TMEM232: variants seen among roughly 807,000 people sequenced by gnomAD.
TMEM232 encodes the protein transmembrane protein 232.
TMEM232 carries 80 observed loss-of-function variants against 78.8 expected under a neutral mutation model. The observed-to-expected ratio is 1.01, with a 90% confidence interval of 0.85 to 1.22. TMEM232 has a LOEUF of 1.22. Among genes scored for constraint, TMEM232 ranks in the 50% most tolerant of loss-of-function variants. The pLI, the probability that TMEM232 is intolerant of heterozygous loss-of-function variation, is 0.00. For missense variants in TMEM232, 881 were observed against 742.2 expected (o/e 1.19, Z -2.17); for synonymous variants, 297 against 254.3 (o/e 1.17, Z -1.60).
At chr5:110,533,260 G>A (rs941371886) in intron 11 of TMEM232, among the ~76,000 whole-genome samples, 3 of 152,106 alleles carry the variant, frequency 2.0e-5, no homozygotes, top group East Asian at 3.9e-4. Flanking sequence ...ATCCTCATCT[G>A]TTACCTATCT....
At chr5:110,451,911 CAATTT>C (rs1760337803) in intron 12 of TMEM232, among the ~76,000 whole-genome samples, 1 of 151,868 alleles carries the variant, frequency 6.6e-6, no homozygotes, top group South Asian at 2.1e-4. Context: ...TATAGTTCAC[CAATTT>C]ATTTAACAGA....
intron 12 of TMEM232, among the ~76,000 whole-genome samples, chr5:110,439,610 T>G (rs1758808607): frequency 6.6e-6 from 1 of 152,036 alleles, no homozygotes; most frequent in Non-Finnish European, 1.5e-5. Context: ...TGCCAGCCTG[T>G]CTTTTGATCT....
chr5:110,715,355 A>G (rs2150327507), intron 1 of TMEM232, among the ~76,000 whole-genome samples: 1 of 152,306 alleles, frequency 6.6e-6, no homozygotes, highest in Non-Finnish European at 1.5e-5. Flanking sequence ...GCAAAAGTAT[A>G]GAGACTAAAT....
At chr5:110,499,830 C>T (rs113108561) in intron 12 of TMEM232, among the ~76,000 whole-genome samples, 2,903 of 151,958 alleles carry the variant, frequency 0.019, 99 homozygotes, top group African/African-American at 0.066. Context: ...CCTCTTTAAT[C>T]GATAAAATTT....
At chr5:110,659,667 T>C (rs1316392357) in intron 2 of TMEM232, among the ~76,000 whole-genome samples, 3 of 152,090 alleles carry the variant, frequency 2.0e-5, no homozygotes. Context: ...TATTATAAAA[T>C]TATCATGCTC....
At chr5:110,508,128 G>A (rs1293382947) in intron 12 of TMEM232, among the ~76,000 whole-genome samples, 2 of 152,050 alleles carry the variant, frequency 1.3e-5, no homozygotes, top group Admixed American at 1.3e-4. Context: ...ACCCCAAGGG[G>A]ATCACTTGAC....
chr5:110,628,568 A>C (rs913338690), intron 5 of TMEM232, among the ~76,000 whole-genome samples: 2 of 152,064 alleles, frequency 1.3e-5, no homozygotes, highest in Non-Finnish European at 2.9e-5. Context: ...AACATTTTAC[A>C]GAAAATTATA....
chr5:110,500,991 G>C (rs1766207002), intron 12 of TMEM232, among the ~76,000 whole-genome samples: 1 of 152,062 alleles, frequency 6.6e-6, no homozygotes, highest in African/African-American at 2.4e-5. Context: ...AAAATGATGT[G>C]GTTTGTTTGC....
chr5:110,494,014 G>A (rs1006374228), intron 12 of TMEM232, among the ~76,000 whole-genome samples: 1 of 151,944 alleles, frequency 6.6e-6, no homozygotes, highest in Non-Finnish European at 1.5e-5. Context: ...CAGAACATGC[G>A]GTGTTGGTTT....
At chr5:110,474,016 T>G (rs1300557334) in intron 12 of TMEM232, among the ~76,000 whole-genome samples, 1 of 150,220 alleles carries the variant, frequency 6.7e-6, no homozygotes, top group Non-Finnish European at 1.5e-5. Flanking sequence ...GGGGAGAGGT[T>G]GATCAATAGG....
intron 4 of TMEM232, among the ~76,000 whole-genome samples, 182 bp downstream of exon 4, chr5:110,640,709 A>G (rs925311317): frequency 1.3e-5 from 2 of 152,170 alleles, no homozygotes; most frequent in Non-Finnish European, 1.5e-5. Flanking sequence ...ATCACTAAAA[A>G]GCTTAGTTAA....
intron 12 of TMEM232, among the ~76,000 whole-genome samples, chr5:110,479,832 A>G (rs151334871): frequency 7.4e-4 from 112 of 151,970 alleles, no homozygotes; most frequent in African/African-American, 2.7e-3. Context: ...GTATCCCCAA[A>G]TCCAGTACAT....
chr5:110,568,234 T>G (rs1776556063), intron 11 of TMEM232, among the ~76,000 whole-genome samples: 1 of 151,938 alleles, frequency 6.6e-6, no homozygotes, highest in Non-Finnish European at 1.5e-5. Context: ...CTGTTTCTAT[T>G]ACAGATTTTG....
rs114049973 is a variant in TMEM232, at chr5:110,630,356, C to A, written c.502-2476G>T. 2.4e-3 allele frequency among the ~76,000 whole-genome samples: 369 copies of A among 152,232 alleles called. 1 individual carries two copies. The highest frequency in any genetic ancestry group is 0.014 in the Middle Eastern group (4 of 294). ...AACAACTAGGAGAGAACACTGGAGT[C>A]CAACAGAGAAGTTATGGGAAATACC... On this transcript the variant is annotated intron_variant, in intron 5 of 13. Coordinates refer to ENST00000455884, the MANE Select transcript of TMEM232 (RefSeq NM_001039763.4).
intron 6 of TMEM232, among the ~76,000 whole-genome samples, chr5:110,626,811 T>C (rs947195981): frequency 1.4e-4 from 21 of 152,204 alleles, no homozygotes; most frequent in African/African-American, 4.1e-4. Flanking sequence ...TACTATTTAA[T>C]ACTTCTATGA....
intron 12 of TMEM232, among the ~76,000 whole-genome samples, chr5:110,512,113 C>T (rs548266814): frequency 9.2e-5 from 14 of 152,236 alleles, no homozygotes; most frequent in African/African-American, 3.4e-4. Flanking sequence ...AGATTTAATA[C>T]ATTTTTTGTG....
At chr5:110,490,121 AAAAGAAAG>A (rs201189138) in intron 12 of TMEM232, among the ~76,000 whole-genome samples, 9,581 of 110,412 alleles carry the variant, frequency 0.087, 523 homozygotes, top group African/African-American at 0.1. Flanking sequence ...CTCCGTTTCA[AAAAGAAAG>A]AAAGAAAGAA....
At chr5:110,566,733 G>A (rs2149678489) in intron 11 of TMEM232, among the ~76,000 whole-genome samples, 1 of 151,950 alleles carries the variant, frequency 6.6e-6, no homozygotes, top group Admixed American at 6.6e-5. Flanking sequence ...CTTCTTCAGA[G>A]CTCTTCTTAC....
intron 1 of TMEM232, among the ~76,000 whole-genome samples, chr5:110,711,702 TA>T (rs1796498223): frequency 6.6e-6 from 1 of 152,122 alleles, no homozygotes; most frequent in Non-Finnish European, 1.5e-5. Context: ...GTCTCTTCAA[TA>T]AGTAGTGCTG....
Sources: gnomAD v4.1 joint callset for allele counts (sites outside exome capture counted in the v4.1 genomes callset) on GRCh38, gnomAD v4.1.1 for gene constraint, MANE v1.5 for transcripts, NCBI Gene and HGNC (gene_info 2026-07-23, HGNC 2026-07-21) for gene names.